Variants in ELFN1 observed in about 807,000 individuals in gnomAD.
The protein encoded by ELFN1 is protein ELFN1.
ELFN1 carries 6 observed loss-of-function variants against 7.6 expected under a neutral mutation model. That is an observed-to-expected ratio of 0.79 (90% CI 0.43 to 1.56). ELFN1 has a LOEUF of 1.56. ELFN1 is among the 40% of genes most tolerant of loss of function. The pLI is 0.01. For missense variants in ELFN1, 1,169 were observed against 1,232.2 expected (o/e 0.95, Z 0.77); for synonymous variants, 657 against 588.1 (o/e 1.12, Z -1.70).
At chr7:1,701,114 C>T (rs1380300141) in intron 2 of ELFN1, among the ~76,000 whole-genome samples, 3 of 150,626 alleles carry the variant, frequency 2.0e-5, no homozygotes, top group East Asian at 1.9e-4. Flanking sequence ...CATATGTGTG[C>T]GTATGTGAGC....
At chr7:1,696,941 G>A (rs1389762127) in intron 2 of ELFN1, among the ~76,000 whole-genome samples, 1 of 152,192 alleles carries the variant, frequency 6.6e-6, no homozygotes, top group Non-Finnish European at 1.5e-5. Flanking sequence ...CACAGGAAAT[G>A]ACCACGAGCA....
At chr7:1,704,665 G>A (rs1455487366) in intron 2 of ELFN1, among the ~76,000 whole-genome samples, 9 of 152,018 alleles carry the variant, frequency 5.9e-5, no homozygotes, top group Non-Finnish European at 7.4e-5. Flanking sequence ...TGGGAGTCCC[G>A]TCTCCCTCAC....
intron 1 of ELFN1, among the ~76,000 whole-genome samples, chr7:1,684,490 C>T (rs757935837): frequency 3.4e-4 from 52 of 152,058 alleles, no homozygotes; most frequent in Non-Finnish European, 5.3e-4. Flanking sequence ...TTCTTATGGT[C>T]GCTGTTTTCT....
At chr7:1,672,736 C>A (rs528830811) in intron 1 of ELFN1, among the ~76,000 whole-genome samples, 8 of 152,268 alleles carry the variant, frequency 5.3e-5, no homozygotes, top group African/African-American at 1.4e-4. Flanking sequence ...CCCTTCCCCC[C>A]CGACAAGCCA....
Position 1,740,735 on chromosome 7 carries a change from A to G in ELFN1, c.-293-3569A>G, listed in dbSNP as rs1447996913. 1.3e-5 allele frequency among the ~76,000 whole-genome samples: 2 copies of G among 152,014 alleles called. No individual in the cohort carries two copies. Among genetic ancestry groups the G allele is most frequent in the Non-Finnish European group, 2.9e-5 (2 of 67,998 alleles). On this transcript the variant is annotated intron_variant, in intron 3 of 3. Transcript: ENST00000424383. This position sits in a 1 kb window ranked among gnomAD's most constrained non-coding sequence, Gnocchi z 5.0. ...CAGCCTCTCCCCCCCGGCCCCTGACAGGAGGCTGCACAGGGCTGACTCACA... is the reference window on the plus strand; with the variant it reads ...CAGCCTCTCCCCCCCGGCCCCTGACGGGAGGCTGCACAGGGCTGACTCACA...
intron 3 of ELFN1, among the ~76,000 whole-genome samples, chr7:1,720,075 G>C (rs1214403964): frequency 6.6e-6 from 1 of 152,130 alleles, no homozygotes; most frequent in Non-Finnish European, 1.5e-5. Flanking sequence ...TCTCAGCCCA[G>C]AAATAAGACT....
chr7:1,709,505 C>T (rs754054027), intron 3 of ELFN1, among the ~76,000 whole-genome samples: 22 of 152,222 alleles, frequency 1.4e-4, no homozygotes, highest in Admixed American at 5.9e-4. Context: ...CCGGGGGACC[C>T]GGAAATAGTC....
rs748145478 is a variant in ELFN1 at position 1,746,901 on chromosome 7, A to C, written c.2305A>C (p.Thr769Pro). 5 of 1,547,424 alleles carry C rather than the reference A, an allele frequency of 3.2e-6. No homozygotes were observed. The Admixed American group carries it at 9.9e-5, about 31-fold the overall frequency. ...SLSYSSSPEY[T>P]CRASQSIWER... ...GAGCTACTCCTCCAGCCCCGAGTAC[A>C]CCTGCCGGGCCTCCCAGAGCATCTG... Residue 769 changes from threonine to proline, a missense_variant, in exon 4 of 4, where the codon ACC becomes CCC. By Grantham distance (38) the Thr-to-Pro change is conservative. Transcript: ENST00000424383.
At chr7:1,743,036 G>A (rs760139898) in intron 3 of ELFN1, among the ~76,000 whole-genome samples, 3 of 152,144 alleles carry the variant, frequency 2.0e-5, no homozygotes, top group East Asian at 1.9e-4. Context: ...AAACACAGGC[G>A]GCCGGGAGGT....
In ELFN1 at chr7:1,705,583, C is replaced by T. The variant is rs950246440; in HGVS notation, c.-455-3508C>T. ...TCAGATGGCAGGCCTCACAGCCTCA[C>T]CATGCACCTGTGTGATCAGCCACTC... On this transcript the variant is annotated intron_variant, in intron 2 of 3. Transcript: ENST00000424383. The surrounding 1 kb of genome is among the most constrained non-coding windows in gnomAD (Gnocchi z 4.3). Among the ~76,000 whole-genome samples, 2 of 152,238 alleles carry T rather than the reference C, an allele frequency of 1.3e-5. No individual in the cohort carries two copies. Among genetic ancestry groups the T allele is most frequent in the East Asian group, 1.9e-4 (1 of 5,178 alleles).
At chr7:1,690,700 G>T (rs911821415) in intron 2 of ELFN1, among the ~76,000 whole-genome samples, 1 of 150,432 alleles carries the variant, frequency 6.6e-6, no homozygotes, top group Non-Finnish European at 1.5e-5. Context: ...AAGGATATAT[G>T]GATGATGAAT....
intron 1 of ELFN1, among the ~76,000 whole-genome samples, chr7:1,687,348 ATT>A (rs540081522): frequency 6.8e-6 from 1 of 146,630 alleles, no homozygotes; most frequent in African/African-American, 2.5e-5. Flanking sequence ...ACCCTGTGGT[ATT>A]TTTTTTTTTT....
intron 2 of ELFN1, among the ~76,000 whole-genome samples, chr7:1,698,724 T>C (rs190172894): frequency 2.6e-5 from 4 of 152,390 alleles, no homozygotes; most frequent in African/African-American, 4.8e-5. Flanking sequence ...CTTCTCCTTC[T>C]GGTCTTTTTT....
intron 3 of ELFN1, among the ~76,000 whole-genome samples, chr7:1,729,620 G>A (rs1177404923): frequency 1.3e-5 from 2 of 152,226 alleles, no homozygotes; most frequent in African/African-American, 2.4e-5. Context: ...GGTTAAGGCT[G>A]TCTCAGGCCA....
At chr7:1,691,189 C>G (rs1186269038) in intron 2 of ELFN1, among the ~76,000 whole-genome samples, 3 of 152,136 alleles carry the variant, frequency 2.0e-5, no homozygotes, top group African/African-American at 7.2e-5. Context: ...GCTTCCCTCT[C>G]CACTGCTTCA....
At chr7:1,707,809 C>A (rs1428557338) in intron 2 of ELFN1, among the ~76,000 whole-genome samples, 1 of 152,278 alleles carries the variant, frequency 6.6e-6, no homozygotes, top group East Asian at 1.9e-4. Context: ...TAATTACATG[C>A]CACTCACTCA....
At chr7:1,676,442 C>T (rs1241461804) in intron 1 of ELFN1, among the ~76,000 whole-genome samples, 1 of 152,216 alleles carries the variant, frequency 6.6e-6, no homozygotes, top group Admixed American at 6.5e-5. Context: ...GGTCCCTTCC[C>T]TTCCCGGAGC....
chr7:1,674,591 C>A (rs1273844951), intron 1 of ELFN1, among the ~76,000 whole-genome samples: 1 of 152,108 alleles, frequency 6.6e-6, no homozygotes, highest in Non-Finnish European at 1.5e-5. Flanking sequence ...GCCCCCAGAG[C>A]AGTGAGGGGG....
intron 1 of ELFN1, among the ~76,000 whole-genome samples, chr7:1,678,451 T>G (rs2128575572): frequency 6.6e-6 from 1 of 152,298 alleles, no homozygotes; most frequent in East Asian, 1.9e-4. Flanking sequence ...AGGTGCTGTG[T>G]GCCCATTTCA....
Sources: gnomAD v4.1 joint callset for allele counts (sites outside exome capture counted in the v4.1 genomes callset) on GRCh38, gnomAD v4.1.1 for gene constraint, Gnocchi (gnomAD v3.1) non-coding constraint, MANE v1.5 for transcripts, NCBI Gene and HGNC (gene_info 2026-07-23, HGNC 2026-07-21) for gene names.